TMEM169: variants seen among roughly 807,000 people sequenced by gnomAD.
TMEM169 encodes the protein transmembrane protein 169.
A neutral mutation model predicts 27.3 loss-of-function variants in TMEM169; 18 were observed. The observed-to-expected ratio is 0.66, with a 90% CI of 0.46 to 0.98. The LOEUF is 0.98. Among genes scored for constraint, TMEM169 ranks in the 50% least tolerant of loss-of-function variants. TMEM169 has a pLI of 0.00. For synonymous variants in TMEM169, 136 were observed against 142.1 expected, an observed-to-expected ratio of 0.96 and a Z score of 0.30; for missense variants, 320 against 368.6, an observed-to-expected ratio of 0.87 and a Z score of 1.08.
chr2:216,083,647 C>T (rs1277197962), intron 1 of TMEM169, among the ~76,000 whole-genome samples: 1 of 152,026 alleles, frequency 6.6e-6, no homozygotes, highest in African/African-American at 2.4e-5. Context: ...GGGACTGGGG[C>T]CTGCAAACCG....
intron 1 of TMEM169, among the ~76,000 whole-genome samples, chr2:216,084,315 C>T (rs543616390): frequency 6.6e-6 from 1 of 152,276 alleles, no homozygotes; most frequent in African/African-American, 2.4e-5. Context: ...AGCATCTGGT[C>T]CTGCCCCTAC....
At chr2:216,092,400 G>C (rs1247925824) in intron 1 of TMEM169, among the ~76,000 whole-genome samples, 2 of 151,628 alleles carry the variant, frequency 1.3e-5, no homozygotes, top group Admixed American at 6.6e-5. Flanking sequence ...CGCCCGCCTT[G>C]ATCTCCCAAA....
At position 216,088,118 on chromosome 2, in the gene TMEM169, A is replaced by G. The variant is rs141436156; in HGVS notation, c.-127+6139A>G. 4.4e-3 allele frequency among the ~76,000 whole-genome samples: 658 copies of G among 149,516 alleles called. 6 individuals carry two copies. The highest frequency in any genetic ancestry group is 0.015 in the African/African-American group (617 of 40,344). ...GGTTGCAGTGAGCTGACATTGCACA[A>G]CTGCACTCCAGCCTGGGTGACCAAG... On this transcript the variant is annotated intron_variant, in intron 1 of 2. Coordinates refer to ENST00000437356, the MANE Select transcript of TMEM169 (RefSeq NM_001142311.2).
intron 1 of TMEM169, chr2:216,082,540 T>C (rs190966463): frequency 6.6e-6 from 1 of 152,442 alleles, no homozygotes; most frequent in Admixed American, 6.5e-5. Flanking sequence ...GGATCTTTCC[T>C]TGAAGGGTGC....
chr2:216,098,616 G>A (rs1350666607), intron 2 of TMEM169, among the ~76,000 whole-genome samples: 2 of 152,110 alleles, frequency 1.3e-5, no homozygotes, highest in African/African-American at 4.8e-5. Context: ...GAGTCCACAG[G>A]GCCCAAGGTC....
chr2:216,095,777 C>T (rs1314528713), intron 1 of TMEM169, 61 bp from the exon 2 acceptor site: 2 of 592,450 alleles, frequency 3.4e-6, no homozygotes, highest in Non-Finnish European at 5.7e-6. Flanking sequence ...TCGTTTCCCA[C>T]ATTCCTGTCC....
Position 216,100,762 on chromosome 2 carries a change from T to G in TMEM169, c.*220T>G. The G allele has an allele frequency of 6.7e-6, 4 of 601,008 alleles. No homozygotes were observed. The highest frequency in any genetic ancestry group is 8.7e-6 in the Non-Finnish European group (3 of 345,348). 37.2% of individuals were successfully genotyped at this position (601,008 alleles called of 1,614,324 possible). A position where few individuals can be genotyped will look rare whatever the true frequency, so the allele number is the denominator to read the frequency against. The stretch of plus-strand genomic sequence containing the variant: ...CACCCAATGGACAAACTCTTTTTGA[T>G]TCCCTGCCCTAAAATCACCATTTAT... On this transcript the variant is annotated 3_prime_UTR_variant, in exon 3 of 3. Coordinates refer to ENST00000437356, the MANE Select transcript of TMEM169 (RefSeq NM_001142311.2).
intron 1 of TMEM169, among the ~76,000 whole-genome samples, chr2:216,085,448 T>C (rs1308414805): frequency 6.6e-6 from 1 of 152,032 alleles, no homozygotes; most frequent in East Asian, 1.9e-4. Flanking sequence ...GAGTGAGGAA[T>C]TGATTGGAAG....
rs1696401607 is a variant in TMEM169 at position 216,101,763 on chromosome 2, A to C, written c.*1221A>C. On this transcript the variant is annotated 3_prime_UTR_variant, in exon 3 of 3. Coordinates refer to ENST00000437356, the MANE Select transcript of TMEM169 (RefSeq NM_001142311.2). ...CTCCCAAAATGCTGGGATTGTAGGCAAGAATGGTTATCTTGGTAGGCAAGT... is the reference window on the plus strand; with the variant it reads ...CTCCCAAAATGCTGGGATTGTAGGCCAGAATGGTTATCTTGGTAGGCAAGT... 6.6e-6 allele frequency: 1 copy of C among 152,182 alleles called. No homozygotes were observed. The highest frequency in any genetic ancestry group is 6.5e-5 in the Admixed American group (1 of 15,280). The allele number at this position is 152,182 out of a possible 1,614,324, so 9.4% of individuals were successfully genotyped here.
chr2:216,099,942 C>T lies in TMEM169; in HGVS notation c.294C>T (p.Asp98=). 6.2e-7 allele frequency: 1 copy of T among 1,613,442 alleles called. No homozygotes were observed. Among genetic ancestry groups the T allele is most frequent in the Non-Finnish European group, 8.5e-7 (1 of 1,179,706 alleles). ...CAGATATGTGGAACCTGCCTCTGGA[C>T]AGCCGCTACGTCACCTTAACTGGGA... ...VDDDMWNLPL[D]SRYVTLTGTI... The change falls in exon 3 of 3, where the codon GAC becomes GAT. Residue 98 remains aspartate (D), a synonymous_variant. Coordinates refer to ENST00000437356, the MANE Select transcript of TMEM169 (RefSeq NM_001142311.2). The surrounding 1 kb of genome is among the most constrained non-coding windows in gnomAD (Gnocchi z 5.0).
At chr2:216,094,437 A>C (rs900392434) in intron 1 of TMEM169, among the ~76,000 whole-genome samples, 1 of 152,230 alleles carries the variant, frequency 6.6e-6, no homozygotes, top group Non-Finnish European at 1.5e-5. Flanking sequence ...TAATAAATGA[A>C]GAAGTCAGAG....
chr2:216,100,084 G>A lies in TMEM169; in HGVS notation c.436G>A (p.Gly146Arg), dbSNP rs1696354337. The change falls in exon 3 of 3, where the codon GGA becomes AGA. Residue 146 changes from glycine (G) to arginine (R), a missense_variant. Coordinates refer to ENST00000437356, the MANE Select transcript of TMEM169 (RefSeq NM_001142311.2). ...GTCATCAAGGGAAACGACGCCTGAA[G>A]GAAGAATGGCCTGCCAGATGGGAGC... ...KESSRETTPE[G>R]RMACQMGADR... 1 of 1,614,040 alleles carries A rather than the reference G, an allele frequency of 6.2e-7. No homozygotes were observed. The highest frequency in any genetic ancestry group is 1.7e-5 in the Admixed American group (1 of 60,004).
chr2:216,100,899 GGGGTAACCAAAT>G lies in TMEM169; in HGVS notation c.*358_*369del. On this transcript the variant is annotated 3_prime_UTR_variant, in exon 3 of 3. Coordinates refer to ENST00000437356, the MANE Select transcript of TMEM169 (RefSeq NM_001142311.2). ...TGTGTCAGGGAGAATAAAGAACCTC[GGGGTAACCAAAT>G]CCACCAAGATAATAGACAGGGATGG... is the stretch of plus-strand genomic sequence containing the variant. The G allele has an allele frequency of 3.2e-6, 1 of 309,362 alleles. No individual in the cohort carries two copies. 19.2% of individuals were successfully genotyped at this position (309,362 alleles called of 1,614,324 possible). A position where few individuals can be genotyped will look rare whatever the true frequency, so the allele number is the denominator to read the frequency against.
chr2:216,101,359 A>G lies in TMEM169; in HGVS notation c.*817A>G, dbSNP rs1242342834. 1 of 152,312 alleles carries G rather than the reference A, an allele frequency of 6.6e-6. No homozygotes were observed. Among genetic ancestry groups the G allele is most frequent in the African/African-American group, 2.4e-5 (1 of 41,474 alleles). 9.4% of individuals were successfully genotyped at this position (152,312 alleles called of 1,614,324 possible). A position where few individuals can be genotyped will look rare whatever the true frequency, so the allele number is the denominator to read the frequency against. On this transcript the variant is annotated 3_prime_UTR_variant, in exon 3 of 3. Transcript: ENST00000437356. ...GGCAAGACCTCAGTCACATGATGTC[A>G]TGAGCAAAAGAGGCTGGAAATGTAG...
At position 216,090,340 on chromosome 2, in the gene TMEM169, T is replaced by G. The variant is rs555749603; in HGVS notation, c.-126-5498T>G. 5.3e-5 allele frequency among the ~76,000 whole-genome samples: 8 copies of G among 152,292 alleles called. No homozygotes were observed. In the South Asian group the frequency reaches 1.7e-3, roughly 32 times the overall value. On this transcript the variant is annotated intron_variant, in intron 1 of 2. Coordinates refer to ENST00000437356, the MANE Select transcript of TMEM169 (RefSeq NM_001142311.2). ...GGGTGGTCAAAGAAAATACCTGTTTTCAGACCACTCATGCTGGGGAAGGCC... is the reference window on the plus strand; with the variant it reads ...GGGTGGTCAAAGAAAATACCTGTTTGCAGACCACTCATGCTGGGGAAGGCC...
chr2:216,087,226 C>G (rs1266652800), intron 1 of TMEM169, among the ~76,000 whole-genome samples: 1 of 152,078 alleles, frequency 6.6e-6, no homozygotes, highest in Non-Finnish European at 1.5e-5. Context: ...ATACGGAGAG[C>G]CTCAAACACC....
At chr2:216,085,641 C>G (rs939363383) in intron 1 of TMEM169, among the ~76,000 whole-genome samples, 1 of 152,060 alleles carries the variant, frequency 6.6e-6, no homozygotes, top group Non-Finnish European at 1.5e-5. Context: ...GAGGCCAAGG[C>G]GGGCGGATCA....
intron 1 of TMEM169, among the ~76,000 whole-genome samples, chr2:216,085,320 G>C (rs1167987693): frequency 1.3e-5 from 2 of 152,110 alleles, no homozygotes; most frequent in East Asian, 1.9e-4. Context: ...AGAATCAGGT[G>C]GGGGAGGTGG....
At chr2:216,091,722 A>G (rs1172928537) in intron 1 of TMEM169, among the ~76,000 whole-genome samples, 1 of 152,172 alleles carries the variant, frequency 6.6e-6, no homozygotes, top group African/African-American at 2.4e-5. Flanking sequence ...TACAAAATAA[A>G]TTCTTGTTGT....
Sources: allele counts gnomAD v4.1 joint callset (sites outside exome capture counted in the v4.1 genomes callset), GRCh38; gene constraint gnomAD v4.1.1; non-coding constraint Gnocchi (gnomAD v3.1); transcripts MANE v1.5; gene names NCBI Gene and HGNC (gene_info 2026-07-23, HGNC 2026-07-21).